Variants in TRDN observed in about 807,000 individuals in gnomAD.
TRDN encodes triadin, also known as triadin in skeletal muscle.
A neutral mutation model predicts 149.7 loss-of-function variants in TRDN; 161 were observed. That is an observed-to-expected ratio of 1.08 (90% confidence interval 0.95 to 1.23). The LOEUF (loss-of-function observed/expected upper bound fraction) is 1.23. Among genes scored for constraint, TRDN ranks in the 50% most tolerant of loss-of-function variants. The pLI is 0.00. For missense variants in TRDN, 896 were observed against 823.5 expected (o/e 1.09, Z -1.08); for synonymous variants, 294 against 250.5 (o/e 1.17, Z -1.64).
At chr6:123,629,733 A>G (rs1392381759) in intron 1 of TRDN, among the ~76,000 whole-genome samples, 1 of 152,102 alleles carries the variant, frequency 6.6e-6, no homozygotes, top group Non-Finnish European at 1.5e-5. Context: ...ATCTCTCACA[A>G]TTGTAAATTC....
intron 14 of TRDN, among the ~76,000 whole-genome samples, chr6:123,387,025 G>T (rs1279256517): frequency 1.3e-5 from 2 of 152,092 alleles, no homozygotes; most frequent in Admixed American, 6.6e-5. Context: ...TTAATTGAAG[G>T]TTAACACTTG....
At chr6:123,630,108 G>A (rs541162035) in intron 1 of TRDN, among the ~76,000 whole-genome samples, 3 of 152,002 alleles carry the variant, frequency 2.0e-5, no homozygotes, top group African/African-American at 4.8e-5. Flanking sequence ...CCGTAAAGTC[G>A]ACATTATTGT....
At chr6:123,603,980 T>C (rs906213634) in intron 1 of TRDN, among the ~76,000 whole-genome samples, 2 of 152,188 alleles carry the variant, frequency 1.3e-5, no homozygotes, top group Non-Finnish European at 2.9e-5. Context: ...AGAGTTAATA[T>C]TTTTATCAAA....
At chr6:123,273,255 G>A in intron 28 of TRDN, 82 bp downstream of exon 28, 1 of 984,254 alleles carries the variant, frequency 1.0e-6, no homozygotes, top group South Asian at 1.8e-5. Flanking sequence ...TAAAAGCACA[G>A]GTTGAAAATA....
chr6:123,338,578 G>A (rs922502927), intron 21 of TRDN, among the ~76,000 whole-genome samples: 1 of 152,144 alleles, frequency 6.6e-6, no homozygotes, highest in Non-Finnish European at 1.5e-5. Flanking sequence ...AGCCCTCTGA[G>A]AGAGCCATCC....
chr6:123,307,071 A>T (rs1778637487), intron 24 of TRDN, among the ~76,000 whole-genome samples: 1 of 152,040 alleles, frequency 6.6e-6, no homozygotes, highest in Non-Finnish European at 1.5e-5. Flanking sequence ...GAGAAATAAG[A>T]GGTGGAAAAC....
At chr6:123,281,738 C>G in intron 24 of TRDN, among the ~76,000 whole-genome samples, 1 of 152,054 alleles carries the variant, frequency 6.6e-6, no homozygotes, top group African/African-American at 2.4e-5. Context: ...GTGATAAACA[C>G]AGGACACCTG....
At chr6:123,517,225 C>T (rs1002264935) in intron 5 of TRDN, among the ~76,000 whole-genome samples, 4 of 151,964 alleles carry the variant, frequency 2.6e-5, no homozygotes, top group African/African-American at 4.8e-5. Context: ...GCAGAAATGA[C>T]ATTTAAGAGT....
At chr6:123,347,320 T>C (rs150131017) in intron 21 of TRDN, among the ~76,000 whole-genome samples, 12 of 152,190 alleles carry the variant, frequency 7.9e-5, no homozygotes, top group Non-Finnish European at 4.4e-5. Flanking sequence ...CACACAGTTG[T>C]TATCTACATT....
intron 9 of TRDN, among the ~76,000 whole-genome samples, chr6:123,473,346 A>T (rs1316910087): frequency 6.6e-6 from 1 of 152,000 alleles, no homozygotes; most frequent in Non-Finnish European, 1.5e-5. Flanking sequence ...GGGTATCAGC[A>T]ATGGAAGATG....
At position 123,497,233 on chromosome 6, in the gene TRDN, T is replaced by G. The variant is rs770160143; in HGVS notation, c.813A>C (p.Arg271=). The G allele has an allele frequency of 6.4e-7, 1 of 1,556,738 alleles. No homozygotes were observed. Among genetic ancestry groups the G allele is most frequent in the Non-Finnish European group, 8.7e-7 (1 of 1,152,390 alleles). ...CATGGACAAATATGTCAATCATATA[T>G]CGACAGAATGCATACTGATCTGACA... ...HEQKDQYAFC[R]YMIDIFVHGD... The change falls in exon 9 of 41, where the codon CGA becomes CGC. Residue 271 remains arginine, a synonymous_variant. Coordinates refer to ENST00000334268, the MANE Select transcript of TRDN (RefSeq NM_006073.4).
intron 23 of TRDN, among the ~76,000 whole-genome samples, chr6:123,326,955 G>C (rs936068795): frequency 1.3e-5 from 2 of 151,852 alleles, no homozygotes; most frequent in African/African-American, 4.8e-5. Flanking sequence ...TTCTGGATTT[G>C]CTCTCTTTGT....
chr6:123,557,946 C>T (rs753006637), intron 2 of TRDN, among the ~76,000 whole-genome samples: 3 of 152,176 alleles, frequency 2.0e-5, no homozygotes, highest in East Asian at 1.9e-4. Flanking sequence ...TCACACCTGA[C>T]CTAAAATCTA....
chr6:123,239,322 T>C (rs1381829144), intron 38 of TRDN, among the ~76,000 whole-genome samples: 1 of 152,164 alleles, frequency 6.6e-6, no homozygotes, highest in Non-Finnish European at 1.5e-5. Context: ...GGAGGAGATG[T>C]CAATATAGTT....
At chr6:123,352,378 T>G in intron 21 of TRDN, 161 bp downstream of exon 21, 1 of 1,372,442 alleles carries the variant, frequency 7.3e-7, no homozygotes, top group Non-Finnish European at 9.4e-7. Flanking sequence ...CCCAGATTGC[T>G]GTCTCACATT....
chr6:123,609,385 A>G (rs2114673715), intron 1 of TRDN, among the ~76,000 whole-genome samples: 1 of 152,268 alleles, frequency 6.6e-6, no homozygotes, highest in South Asian at 2.1e-4. Flanking sequence ...TATAATTATA[A>G]CATACATGTG....
chr6:123,491,442 A>G (rs1489826967), intron 9 of TRDN, among the ~76,000 whole-genome samples: 4 of 152,176 alleles, frequency 2.6e-5, no homozygotes, highest in Non-Finnish European at 5.9e-5. Context: ...AACAGGGAAT[A>G]TAAGATAGAA....
chr6:123,382,670 T>G (rs1438915196), intron 14 of TRDN, among the ~76,000 whole-genome samples: 2 of 152,014 alleles, frequency 1.3e-5, no homozygotes, highest in Non-Finnish European at 2.9e-5. Flanking sequence ...AGAAATAGAT[T>G]ACTGTTGACT....
At chr6:123,521,365 A>C (rs1424071029) in intron 5 of TRDN, among the ~76,000 whole-genome samples, 1 of 152,030 alleles carries the variant, frequency 6.6e-6, no homozygotes, top group East Asian at 1.9e-4. Flanking sequence ...ATAAAAAGAG[A>C]AATTTGGGTC....
Sources: gnomAD v4.1 joint callset for allele counts (sites outside exome capture counted in the v4.1 genomes callset) on GRCh38, gnomAD v4.1.1 for gene constraint, MANE v1.5 for transcripts, NCBI Gene and HGNC (gene_info 2026-07-23, HGNC 2026-07-21) for gene names.